PTPRD: variants seen among roughly 807,000 people sequenced by gnomAD.
PTPRD encodes receptor-type tyrosine-protein phosphatase delta.
In PTPRD, 34 loss-of-function variants were observed where a neutral mutation model predicts 214.5. The ratio of observed to expected loss-of-function variants is 0.16; its 90% CI spans 0.12 to 0.21. The LOEUF is 0.21. Among genes scored for constraint, PTPRD ranks in the 10% least tolerant of loss-of-function variants. The probability of loss-of-function intolerance (pLI) is 1.00; values close to 1 mark genes in which losing one functional copy is unlikely to be tolerated. For synonymous variants in PTPRD, 1,128 were observed against 845.7 expected, an observed-to-expected ratio of 1.33 and a Z score of -5.79; for missense variants, 2,545 against 2,398.7, an observed-to-expected ratio of 1.06 and a Z score of -1.27.
chr9:9,204,458 C>G (rs1449903730), intron 9 of PTPRD, among the ~76,000 whole-genome samples: 5 of 152,218 alleles, frequency 3.3e-5, no homozygotes, highest in Admixed American at 3.3e-4. Flanking sequence ...TGGATAAAGC[C>G]TAGCTCAGAC....
chr9:10,104,054 T>C (rs10958886), intron 3 of PTPRD, among the ~76,000 whole-genome samples: 31,192 of 151,586 alleles, frequency 0.21, 3,443 homozygotes, highest in South Asian at 0.34. Flanking sequence ...TTAAGTGAAA[T>C]AAGCCAGTCA....
chr9:8,352,648 C>T (rs900819876), intron 39 of PTPRD, among the ~76,000 whole-genome samples: 2 of 152,170 alleles, frequency 1.3e-5, no homozygotes, highest in African/African-American at 4.8e-5. Context: ...AATGCTATTA[C>T]TCCTGATTCA....
chr9:9,409,153 T>C (rs1435635092), intron 8 of PTPRD, among the ~76,000 whole-genome samples: 2 of 151,974 alleles, frequency 1.3e-5, no homozygotes, highest in Non-Finnish European at 2.9e-5. Flanking sequence ...AAGACAAATA[T>C]ATGTGTGCTG....
chr9:10,460,826 C>T (rs912122787), intron 2 of PTPRD, among the ~76,000 whole-genome samples: 3 of 152,014 alleles, frequency 2.0e-5, no homozygotes, highest in Non-Finnish European at 4.4e-5. Flanking sequence ...TGACATTAGT[C>T]TTAGCAATGA....
chr9:9,191,779 G>T (rs2099935347), intron 9 of PTPRD, among the ~76,000 whole-genome samples: 1 of 151,708 alleles, frequency 6.6e-6, no homozygotes, highest in East Asian at 1.9e-4. Flanking sequence ...ATTTATATAG[G>T]TATTAGCAAG....
intron 11 of PTPRD, chr9:8,860,820 AC>A (rs1381446061): frequency 1.3e-5 from 2 of 152,300 alleles, no homozygotes; most frequent in African/African-American, 4.8e-5. Flanking sequence ...AAATCATCCA[AC>A]TATTTGGTGC....
At chr9:10,439,412 T>G (rs557424880) in intron 2 of PTPRD, among the ~76,000 whole-genome samples, 1 of 151,856 alleles carries the variant, frequency 6.6e-6, no homozygotes, top group East Asian at 1.9e-4. Context: ...AATTAAATTG[T>G]ATTCAAGGAA....
At chr9:9,091,984 A>C (rs997293396) in intron 10 of PTPRD, among the ~76,000 whole-genome samples, 1 of 152,100 alleles carries the variant, frequency 6.6e-6, no homozygotes, top group African/African-American at 2.4e-5. Flanking sequence ...TGTCTCTGCC[A>C]TTTTCTTTTC....
chr9:10,244,578 T>C (rs762242117), intron 3 of PTPRD, among the ~76,000 whole-genome samples: 8 of 120,724 alleles, frequency 6.6e-5, no homozygotes, highest in Non-Finnish European at 1.2e-4. Flanking sequence ...AAAAAATTCC[T>C]CTTGAATTTT....
At chr9:9,671,545 C>T (rs1042041033) in intron 7 of PTPRD, among the ~76,000 whole-genome samples, 3 of 151,988 alleles carry the variant, frequency 2.0e-5, no homozygotes, top group African/African-American at 4.8e-5. Flanking sequence ...TTGGCTGTGT[C>T]CCCCACAAAA....
intron 34 of PTPRD, chr9:8,437,180 T>A: frequency 6.6e-6 from 10 of 1,514,372 alleles, no homozygotes; most frequent in Non-Finnish European, 8.8e-6. Flanking sequence ...GACTTATGCA[T>A]AATCAAGGAA....
intron 11 of PTPRD, among the ~76,000 whole-genome samples, chr9:8,890,576 C>T (rs546617169): frequency 6.6e-6 from 1 of 152,322 alleles, no homozygotes; most frequent in South Asian, 2.1e-4. Context: ...TGGACCTTTG[C>T]ATGGAAAGAT....
chr9:9,786,890 T>C (rs774692719), intron 5 of PTPRD, among the ~76,000 whole-genome samples: 8 of 152,128 alleles, frequency 5.3e-5, no homozygotes, highest in Non-Finnish European at 1.2e-4. Flanking sequence ...TACATCTGTC[T>C]TCCCAGCACT....
intron 7 of PTPRD, among the ~76,000 whole-genome samples, chr9:9,700,661 A>G (rs1254421906): frequency 6.6e-6 from 1 of 152,150 alleles, no homozygotes; most frequent in East Asian, 1.9e-4. Flanking sequence ...GTCATATACA[A>G]TAATTCCTCA....
At chr9:8,350,978 G>A (rs548881251) in intron 39 of PTPRD, among the ~76,000 whole-genome samples, 25 of 152,076 alleles carry the variant, frequency 1.6e-4, no homozygotes, top group Admixed American at 3.9e-4. Context: ...AATCTAGCAC[G>A]GAGGTCTATC....
intron 11 of PTPRD, among the ~76,000 whole-genome samples, chr9:8,883,646 G>T (rs977516217): frequency 6.6e-6 from 1 of 152,210 alleles, no homozygotes; most frequent in Non-Finnish European, 1.5e-5. Context: ...TGAGGTGAGA[G>T]GTCAGGAGTG....
chr9:9,724,933 T>C (rs1246275817), intron 7 of PTPRD, among the ~76,000 whole-genome samples: 2 of 152,128 alleles, frequency 1.3e-5, no homozygotes, highest in Admixed American at 1.3e-4. Flanking sequence ...AGAGGAGTGG[T>C]CAGAACACTA....
intron 5 of PTPRD, among the ~76,000 whole-genome samples, chr9:9,921,455 C>A (rs911865274): frequency 4.0e-5 from 6 of 151,830 alleles, no homozygotes; most frequent in African/African-American, 1.5e-4. Context: ...ATGACACTCA[C>A]ACATATAATT....
chr9:9,096,926 G>T (rs941950887), intron 10 of PTPRD, among the ~76,000 whole-genome samples: 1 of 152,144 alleles, frequency 6.6e-6, no homozygotes, highest in Non-Finnish European at 1.5e-5. Flanking sequence ...CCCAAATGCT[G>T]AAGTCACTGC....
Sources: allele counts gnomAD v4.1 joint callset (sites outside exome capture counted in the v4.1 genomes callset), GRCh38; gene constraint gnomAD v4.1.1; transcripts MANE v1.5; gene names NCBI Gene and HGNC (gene_info 2026-07-23, HGNC 2026-07-21).